Variants in PAPPA2 observed in about 807,000 individuals in gnomAD.
The protein encoded by PAPPA2 is pappalysin-2.
Under a neutral mutation model 176.4 loss-of-function variants are expected in PAPPA2, and 86 were observed. The observed-to-expected ratio is 0.49, with a 90% CI of 0.41 to 0.58. The LOEUF (loss-of-function observed/expected upper bound fraction) is 0.58, where lower values mean the gene tolerates loss of function less well. PAPPA2 is among the 20% of genes least tolerant of loss of function. The pLI is 0.00. For missense variants in PAPPA2, 2,073 were observed against 2,256.9 expected (o/e 0.92, Z 1.65); for synonymous variants, 809 against 852.2 (o/e 0.95, Z 0.88).
At chr1:176,838,910 T>C (rs1667377297) in intron 21 of PAPPA2, among the ~76,000 whole-genome samples, 1 of 152,214 alleles carries the variant, frequency 6.6e-6, no homozygotes, top group South Asian at 2.1e-4. Context: ...TCCCATAGAA[T>C]AAATCAAAAC....
intron 1 of PAPPA2, among the ~76,000 whole-genome samples, chr1:176,516,628 T>A (rs766853853): frequency 6.6e-6 from 1 of 152,190 alleles, no homozygotes; most frequent in Non-Finnish European, 1.5e-5. Context: ...TTCTGCCATA[T>A]GAGGACATAG....
intron 14 of PAPPA2, among the ~76,000 whole-genome samples, chr1:176,753,298 A>T (rs1482548036): frequency 6.6e-6 from 1 of 152,128 alleles, no homozygotes; most frequent in Non-Finnish European, 1.5e-5. Context: ...GGTCTTGGTA[A>T]TAGTATTATT....
At chr1:176,533,368 C>G (rs554375006) in intron 1 of PAPPA2, among the ~76,000 whole-genome samples, 1 of 152,358 alleles carries the variant, frequency 6.6e-6, no homozygotes, top group East Asian at 1.9e-4. Context: ...TGGCAAAGGA[C>G]TAGGTCACGG....
intron 1 of PAPPA2, among the ~76,000 whole-genome samples, chr1:176,513,626 C>T (rs781770670): frequency 6.6e-5 from 10 of 152,180 alleles, no homozygotes; most frequent in Non-Finnish European, 1.0e-4. Flanking sequence ...GTTGGCCAAT[C>T]TCTCATTCCA....
At chr1:176,615,004 C>T (rs1441540086) in intron 3 of PAPPA2, among the ~76,000 whole-genome samples, 1 of 151,906 alleles carries the variant, frequency 6.6e-6, no homozygotes, top group Non-Finnish European at 1.5e-5. Context: ...AAAAATAAGT[C>T]GGTAAACAAC....
chr1:176,752,066 A>G (rs1163291629), intron 14 of PAPPA2, among the ~76,000 whole-genome samples: 28 of 114,700 alleles, frequency 2.4e-4, no homozygotes, highest in African/African-American at 9.3e-4. Flanking sequence ...ATTGGAAACC[A>G]TCATTCTCAG....
At chr1:176,587,299 T>C (rs1054922322) in intron 2 of PAPPA2, among the ~76,000 whole-genome samples, 1 of 152,238 alleles carries the variant, frequency 6.6e-6, no homozygotes, top group Non-Finnish European at 1.5e-5. Flanking sequence ...TTTAATTAGA[T>C]CCCATTTGTT....
At chr1:176,838,749 G>A (rs1354139252) in intron 21 of PAPPA2, among the ~76,000 whole-genome samples, 1 of 152,204 alleles carries the variant, frequency 6.6e-6, no homozygotes, top group Non-Finnish European at 1.5e-5. Context: ...TGAGGCCTGT[G>A]CTGAAAGCAG....
intron 1 of PAPPA2, among the ~76,000 whole-genome samples, chr1:176,491,141 A>G (rs898420926): frequency 1.3e-5 from 2 of 152,234 alleles, no homozygotes; most frequent in Non-Finnish European, 2.9e-5. Context: ...CTTTGATCAG[A>G]CATTTACTAC....
At chr1:176,586,539 G>A (rs777568506) in intron 2 of PAPPA2, among the ~76,000 whole-genome samples, 10 of 152,096 alleles carry the variant, frequency 6.6e-5, no homozygotes, top group African/African-American at 1.4e-4. Context: ...GAGAACATGC[G>A]GTGTTTGGTT....
At chr1:176,837,977 T>C (rs1667339779) in intron 21 of PAPPA2, among the ~76,000 whole-genome samples, 1 of 152,226 alleles carries the variant, frequency 6.6e-6, no homozygotes, top group Non-Finnish European at 1.5e-5. Context: ...TTAATTCTAA[T>C]AGGTATATAG....
intron 1 of PAPPA2, among the ~76,000 whole-genome samples, chr1:176,524,919 G>A (rs1400767522): frequency 6.6e-6 from 1 of 152,192 alleles, no homozygotes; most frequent in African/African-American, 2.4e-5. Flanking sequence ...GCGGGCGCCT[G>A]TAGTCCCAGC....
chr1:176,524,997 G>A (rs1010326048), intron 1 of PAPPA2, among the ~76,000 whole-genome samples: 2 of 152,068 alleles, frequency 1.3e-5, no homozygotes, highest in East Asian at 1.9e-4. Context: ...AGCCGAGTTC[G>A]CGCCACTGCA....
At chr1:176,546,391 G>C (rs1318266417) in intron 1 of PAPPA2, among the ~76,000 whole-genome samples, 3 of 152,112 alleles carry the variant, frequency 2.0e-5, no homozygotes, top group Non-Finnish European at 4.4e-5. Context: ...GAATATGATA[G>C]GGCAATCAGT....
In PAPPA2 at chr1:176,765,906, T is replaced by A. The variant is rs2102906281; in HGVS notation, c.4323+69T>A. ...GGGGAGGTATTCACACTCTTCTCTCTGGCTCCACAGGGAAAGAGCAGATGT... is the reference window on the plus strand; with the variant it reads ...GGGGAGGTATTCACACTCTTCTCTCAGGCTCCACAGGGAAAGAGCAGATGT... On this transcript the variant is annotated intron_variant, in intron 15 of 22. Coordinates refer to ENST00000367662, the MANE Select transcript of PAPPA2 (RefSeq NM_020318.3). 3.2e-6 allele frequency: 5 copies of A among 1,551,344 alleles called. No homozygotes were observed. In the Middle Eastern group the frequency reaches 6.7e-4, roughly 206 times the overall value.
At position 176,803,714 on chromosome 1, in the gene PAPPA2, A is replaced by G. The variant is rs571925833; in HGVS notation, c.5202+3582A>G. Among the ~76,000 whole-genome samples, 6 of 152,224 alleles carry G rather than the reference A, an allele frequency of 3.9e-5. No individual in the cohort carries two copies. The South Asian group carries it at 1.2e-3, about 32-fold the overall frequency. ...CCCATCAATTTCCTTCATTCTCTCTATTGCTAATACAGGGTTCTTTCTATT... is the reference window on the plus strand; with the variant it reads ...CCCATCAATTTCCTTCATTCTCTCTGTTGCTAATACAGGGTTCTTTCTATT... On this transcript the variant is annotated intron_variant, in intron 21 of 22. Transcript: ENST00000367662.
intron 3 of PAPPA2, among the ~76,000 whole-genome samples, chr1:176,610,497 T>G (rs1198250642): frequency 6.6e-6 from 1 of 152,190 alleles, no homozygotes; most frequent in African/African-American, 2.4e-5. Context: ...AATGAAAGTG[T>G]GATGTAGTCA....
intron 12 of PAPPA2, among the ~76,000 whole-genome samples, chr1:176,726,059 C>A (rs1661854733): frequency 6.6e-6 from 1 of 152,176 alleles, no homozygotes; most frequent in African/African-American, 2.4e-5. Context: ...GGATTACAGG[C>A]GTGAGCCACC....
intron 1 of PAPPA2, among the ~76,000 whole-genome samples, chr1:176,475,175 G>A (rs1351463123): frequency 6.6e-6 from 1 of 152,272 alleles, no homozygotes; most frequent in East Asian, 1.9e-4. Context: ...GGGGTACGTG[G>A]CTCATCTAAA....
Sources: allele counts gnomAD v4.1 joint callset (sites outside exome capture counted in the v4.1 genomes callset), GRCh38; gene constraint gnomAD v4.1.1; transcripts MANE v1.5; gene names NCBI Gene and HGNC (gene_info 2026-07-23, HGNC 2026-07-21).